The following DDC variants were observed in gnomAD, a reference collection of about 807,000 sequenced individuals.
The protein encoded by DDC is dopa decarboxylase, also known as aromatic-L-amino-acid decarboxylase.
In DDC, 43 loss-of-function variants were observed where a neutral mutation model predicts 60.0. The observed-to-expected ratio is 0.72, with a 90% confidence interval of 0.56 to 0.92. The LOEUF is 0.92. Ranked by LOEUF, DDC falls within the 40% of genes least tolerant of loss-of-function variation. The pLI is 0.00. For synonymous variants in DDC, 232 were observed against 234.6 expected, an observed-to-expected ratio of 0.99 and a Z score of 0.10; for missense variants, 573 against 620.2, an observed-to-expected ratio of 0.92 and a Z score of 0.81.
chr7:50,517,873 T>C (rs1585218464), intron 6 of DDC, among the ~76,000 whole-genome samples: 1 of 130,996 alleles, frequency 7.6e-6, no homozygotes, highest in African/African-American at 2.9e-5. Context: ...AACCAAGGAG[T>C]TGAAGACCTC....
rs540450595 is a variant in DDC at position 50,538,640 on chromosome 7, C to G, written c.316-661G>C. Among the ~76,000 whole-genome samples the G allele has an allele frequency of 7.2e-5, 11 of 152,294 alleles. No homozygotes were observed. The South Asian group carries it at 2.3e-3, about 32-fold the overall frequency. ...TGGCCAAGCCCAGCTCTACCAGGAG[C>G]CTATGCTCTCTGCTAGGGATGAGGT... is the stretch of plus-strand genomic sequence containing the variant. On this transcript the variant is annotated intron_variant, in intron 3 of 14. Coordinates refer to ENST00000444124, the MANE Select transcript of DDC (RefSeq NM_001082971.2).
chr7:50,528,007 C>T, intron 6 of DDC, 130 bp downstream of exon 6: 1 of 1,078,086 alleles, frequency 9.3e-7, no homozygotes, highest in South Asian at 1.6e-5. Context: ...CGCCATTCTC[C>T]TGCCTCAGCT....
At chr7:50,466,774 G>A (rs796227617) in intron 13 of DDC, among the ~76,000 whole-genome samples, 101 of 152,314 alleles carry the variant, frequency 6.6e-4, no homozygotes, top group Middle Eastern at 3.4e-3. Flanking sequence ...GTAAAGGTGC[G>A]CAGCCAGCAG....
intron 6 of DDC, among the ~76,000 whole-genome samples, chr7:50,511,698 C>T (rs1399865492): frequency 6.6e-6 from 1 of 151,840 alleles, no homozygotes; most frequent in African/African-American, 2.4e-5. Context: ...CACTGCACTC[C>T]AGCCTGGGCG....
intron 1 of DDC, among the ~76,000 whole-genome samples, chr7:50,544,834 C>T (rs970005421): frequency 7.2e-5 from 11 of 152,194 alleles, no homozygotes; most frequent in Admixed American, 6.5e-4. Flanking sequence ...TTTCCTGAAG[C>T]GTGATCCCAA....
At position 50,534,026 on chromosome 7, in the gene DDC, A is replaced by G. The variant is rs556674526; in HGVS notation, c.435+3834T>C. Among the ~76,000 whole-genome samples the G allele has an allele frequency of 2.6e-5, 4 of 152,374 alleles. No homozygotes were observed. The South Asian group carries it at 6.2e-4, about 24-fold the overall frequency. ...CAGCTTGCTTTTATTGAGTGCAAGC[A>G]CAATGCTGAAAACCTGGAGCAAACA... On this transcript the variant is annotated intron_variant, in intron 4 of 14. Transcript: ENST00000444124.
chr7:50,472,224 C>A (rs1391308749), intron 11 of DDC, among the ~76,000 whole-genome samples: 2 of 152,150 alleles, frequency 1.3e-5, no homozygotes, highest in African/African-American at 4.8e-5. Context: ...CCTTTTTAGT[C>A]CCAGCCCCAA....
intron 1 of DDC, among the ~76,000 whole-genome samples, chr7:50,551,907 C>T (rs2045009296): frequency 6.6e-6 from 1 of 152,082 alleles, no homozygotes; most frequent in East Asian, 1.9e-4. Flanking sequence ...GGGGGCCACA[C>T]ATGTGAGGCA....
chr7:50,529,594 C>G (rs1000460912), intron 4 of DDC, among the ~76,000 whole-genome samples: 2 of 152,172 alleles, frequency 1.3e-5, no homozygotes, highest in Non-Finnish European at 2.9e-5. Flanking sequence ...TTTCTGACCA[C>G]TTCCCTGCGC....
At chr7:50,520,847 G>A (rs576162115) in intron 6 of DDC, among the ~76,000 whole-genome samples, 4 of 152,112 alleles carry the variant, frequency 2.6e-5, no homozygotes, top group African/African-American at 9.6e-5. Flanking sequence ...CTGGGAGGTG[G>A]AGGTTGTGCC....
intron 10 of DDC, among the ~76,000 whole-genome samples, chr7:50,477,923 C>T (rs11763809): frequency 0.56 from 84,219 of 151,716 alleles, 23,539 homozygotes; most frequent in Admixed American, 0.62. Flanking sequence ...TTGTCGACGC[C>T]AGGCGTGGTG....
At chr7:50,474,389 T>G (rs933599052) in intron 11 of DDC, among the ~76,000 whole-genome samples, 16 of 151,862 alleles carry the variant, frequency 1.1e-4, no homozygotes, top group African/African-American at 3.9e-4. Context: ...CAGGGACTGG[T>G]GGTGGAGGGA....
chr7:50,459,238 C>T (rs1047030983), intron 14 of DDC, among the ~76,000 whole-genome samples: 3 of 152,246 alleles, frequency 2.0e-5, no homozygotes, highest in African/African-American at 7.2e-5. Context: ...GGATTGCAGA[C>T]GGAGTCTGGT....
intron 14 of DDC, among the ~76,000 whole-genome samples, chr7:50,461,701 C>A (rs73349887): frequency 6.6e-6 from 1 of 152,188 alleles, no homozygotes; most frequent in African/African-American, 2.4e-5. Flanking sequence ...GAGCTTACAG[C>A]GGTACTTTCC....
chr7:50,519,778 T>C (rs977593336), intron 6 of DDC, among the ~76,000 whole-genome samples: 2 of 152,056 alleles, frequency 1.3e-5, no homozygotes, highest in Non-Finnish European at 2.9e-5. Context: ...AGACTACAAA[T>C]GTGGTGCAGT....
chr7:50,485,051 G>A (rs1244603556), intron 9 of DDC, among the ~76,000 whole-genome samples: 1 of 151,920 alleles, frequency 6.6e-6, no homozygotes, highest in Non-Finnish European at 1.5e-5. Context: ...CTGTTTCAGA[G>A]AAATAGAATT....
intron 7 of DDC, among the ~76,000 whole-genome samples, chr7:50,503,720 C>T (rs1014920534): frequency 1.3e-5 from 2 of 152,196 alleles, no homozygotes; most frequent in African/African-American, 4.8e-5. Flanking sequence ...GCCAACATAA[C>T]CTGCAATTTT....
intron 1 of DDC, among the ~76,000 whole-genome samples, chr7:50,560,832 C>T (rs1454058969): frequency 6.6e-6 from 1 of 152,156 alleles, no homozygotes; most frequent in Non-Finnish European, 1.5e-5. Context: ...TTCCTGTAAA[C>T]CCTGTGTCAC....
chr7:50,476,644 C>G lies in DDC; in HGVS notation c.1022-1G>C, dbSNP rs1289397237. The G allele has an allele frequency of 6.2e-7, 1 of 1,611,800 alleles. No homozygotes were observed. Among genetic ancestry groups the G allele is most frequent in the African/African-American group, 1.3e-5 (1 of 74,854 alleles). ...CTTACCCGGTAGTCAGTGATAAGCC[C>G]TGGAGAAAAGAGAAAGAAAAAGAAA... On this transcript the variant is annotated splice_acceptor_variant, in intron 10 of 14. Coordinates refer to ENST00000444124, the MANE Select transcript of DDC (RefSeq NM_001082971.2). LOFTEE classifies it high-confidence loss of function.
Sources: allele counts gnomAD v4.1 joint callset (sites outside exome capture counted in the v4.1 genomes callset), GRCh38; gene constraint gnomAD v4.1.1; transcripts MANE v1.5; gene names NCBI Gene and HGNC (gene_info 2026-07-23, HGNC 2026-07-21).